Variants in CUL3 observed in about 807,000 individuals in gnomAD.
CUL3 encodes the protein cullin 3.
Under a neutral mutation model 89.1 loss-of-function variants are expected in CUL3, and 19 were observed. That is an observed-to-expected ratio of 0.21 (90% CI 0.15 to 0.31). The LOEUF (loss-of-function observed/expected upper bound fraction) is 0.31, where lower values mean the gene tolerates loss of function less well. Among genes scored for constraint, CUL3 ranks in the 10% least tolerant of loss-of-function variants. The pLI is 1.00. For synonymous variants in CUL3, 351 were observed against 308.4 expected (o/e 1.14, Z -1.45); for missense variants, 469 against 942.3 (o/e 0.50, Z 6.58).
At chr2:224,568,954 A>G (rs1303607728) in intron 1 of CUL3, among the ~76,000 whole-genome samples, 1 of 152,212 alleles carries the variant, frequency 6.6e-6, no homozygotes, top group African/African-American at 2.4e-5. Flanking sequence ...ACACAGAAGC[A>G]ACATTAACTG....
At chr2:224,580,880 GA>G (rs1447804597) in intron 1 of CUL3, among the ~76,000 whole-genome samples, 171 of 118,044 alleles carry the variant, frequency 1.4e-3, no homozygotes, top group Middle Eastern at 3.5e-3. Context: ...GAGTGCTTGA[GA>G]TTTTTTTTTT....
chr2:224,574,506 T>G (rs964239784), intron 1 of CUL3, among the ~76,000 whole-genome samples: 1 of 152,192 alleles, frequency 6.6e-6, no homozygotes, highest in Non-Finnish European at 1.5e-5. Flanking sequence ...GTTAACAGCA[T>G]TTCTTAAAAT....
At chr2:224,554,729 T>C (rs369365650) in intron 2 of CUL3, among the ~76,000 whole-genome samples, 43 of 152,298 alleles carry the variant, frequency 2.8e-4, no homozygotes, top group African/African-American at 9.1e-4. Context: ...TAAAAGTTAA[T>C]TGTGTTAATT....
At chr2:224,529,299 T>G (rs1199379414) in intron 3 of CUL3, among the ~76,000 whole-genome samples, 1 of 152,090 alleles carries the variant, frequency 6.6e-6, no homozygotes, top group Non-Finnish European at 1.5e-5. Flanking sequence ...TCTTATAAGC[T>G]AAACATGGAG....
intron 13 of CUL3, among the ~76,000 whole-genome samples, chr2:224,486,252 T>C (rs887717006): frequency 6.6e-6 from 1 of 152,020 alleles, no homozygotes; most frequent in Non-Finnish European, 1.5e-5. Flanking sequence ...CAAAACTGGA[T>C]GGAGAATGAG....
At chr2:224,475,846 C>T (rs536254111) in intron 15 of CUL3, among the ~76,000 whole-genome samples, 37 of 152,198 alleles carry the variant, frequency 2.4e-4, no homozygotes, top group Admixed American at 7.9e-4. Flanking sequence ...AACCTATATT[C>T]TATATGTACT....
chr2:224,478,132 GAATAC>G (rs1172555863), intron 15 of CUL3, 63 bp downstream of exon 15: 1 of 1,442,494 alleles, frequency 6.9e-7, no homozygotes, highest in East Asian at 2.3e-5. Flanking sequence ...AAAATTAGTT[GAATAC>G]AATAATTTTG....
chr2:224,522,287 T>C (rs1693296198), intron 3 of CUL3, among the ~76,000 whole-genome samples: 2 of 152,102 alleles, frequency 1.3e-5, no homozygotes, highest in Non-Finnish European at 2.9e-5. Flanking sequence ...AGAAAAGTAG[T>C]AAAAAGTTTC....
intron 2 of CUL3, among the ~76,000 whole-genome samples, chr2:224,555,319 A>G (rs190023002): frequency 1.8e-4 from 28 of 152,306 alleles, no homozygotes; most frequent in Admixed American, 1.4e-3. Flanking sequence ...ATCTTTGTCT[A>G]GACTTAAGTT....
intron 3 of CUL3, 136 bp from the exon 4 acceptor site, chr2:224,514,908 A>G (rs1409757405): frequency 3.3e-6 from 2 of 597,630 alleles, no homozygotes; most frequent in East Asian, 2.9e-5. Flanking sequence ...AATGATCTTA[A>G]GCAATGTGCA....
intron 1 of CUL3, among the ~76,000 whole-genome samples, chr2:224,573,109 A>G (rs780100605): frequency 1.3e-5 from 2 of 152,234 alleles, no homozygotes; most frequent in African/African-American, 2.4e-5. Context: ...GCGTACACCA[A>G]AAGTAGTAAA....
At chr2:224,574,047 G>C (rs1270388151) in intron 1 of CUL3, among the ~76,000 whole-genome samples, 1 of 152,176 alleles carries the variant, frequency 6.6e-6, no homozygotes, top group Non-Finnish European at 1.5e-5. Flanking sequence ...GCTCAGTTAA[G>C]AGCTGTTTTA....
chr2:224,475,779 A>G (rs1013799887), intron 15 of CUL3, among the ~76,000 whole-genome samples: 1 of 152,172 alleles, frequency 6.6e-6, no homozygotes, highest in African/African-American at 2.4e-5. Flanking sequence ...CTGCACTCTC[A>G]ACAGGACCTT....
At chr2:224,510,934 C>A (rs1559153874) in intron 6 of CUL3, among the ~76,000 whole-genome samples, 1 of 152,076 alleles carries the variant, frequency 6.6e-6, no homozygotes, top group East Asian at 1.9e-4. Context: ...ACAACTAAAT[C>A]CCAAAGGAAA....
In CUL3 at chr2:224,473,415, AC is replaced by A; in HGVS notation, c.*829del. The A allele has an allele frequency of 5.3e-6, 1 of 190,062 alleles. No homozygotes were observed. The highest frequency in any genetic ancestry group is 8.4e-5 in the East Asian group (1 of 11,892). The allele number at this position is 190,062 out of a possible 1,614,324, so 11.8% of individuals were successfully genotyped here. On this transcript the variant is annotated 3_prime_UTR_variant, in exon 16 of 16. Coordinates refer to ENST00000264414, the MANE Select transcript of CUL3 (RefSeq NM_003590.5). ...TACTTGAATTAGTGGGTATGTGTAT[AC>A]TAAATTCATTATTTTTGTCTACAAT...
At chr2:224,543,224 CT>C (rs1469651350) in intron 2 of CUL3, among the ~76,000 whole-genome samples, 2 of 152,102 alleles carry the variant, frequency 1.3e-5, no homozygotes, top group Admixed American at 6.5e-5. Flanking sequence ...TGAGGACTTC[CT>C]TGGTAAACAA....
At chr2:224,573,656 A>G (rs1695234992) in intron 1 of CUL3, among the ~76,000 whole-genome samples, 1 of 152,204 alleles carries the variant, frequency 6.6e-6, no homozygotes, top group Admixed American at 6.5e-5. Flanking sequence ...CTAATAATTT[A>G]AAAGGTAACC....
intron 10 of CUL3, among the ~76,000 whole-genome samples, chr2:224,501,639 T>G (rs1692392922): frequency 6.6e-6 from 1 of 152,200 alleles, no homozygotes; most frequent in Non-Finnish European, 1.5e-5. Context: ...AAATGATTAC[T>G]TAACTTTAAG....
In CUL3 at chr2:224,513,655, T is replaced by C; in HGVS notation, c.540-17A>G. On this transcript the variant is annotated splice_polypyrimidine_tract_variant and intron_variant, in intron 4 of 15. Coordinates refer to ENST00000264414, the MANE Select transcript of CUL3 (RefSeq NM_003590.5). ...ATTGCGCCTCTGTCGAAAAAAGTTA[T>C]TATCACTTGATAATTAAATTACATT... The C allele has an allele frequency of 6.8e-7, 1 of 1,475,494 alleles. No individual in the cohort carries two copies. Among genetic ancestry groups the C allele is most frequent in the Non-Finnish European group, 9.2e-7 (1 of 1,089,174 alleles). 91.4% of individuals were successfully genotyped at this position (1,475,494 alleles called of 1,614,324 possible). A position where few individuals can be genotyped will look rare whatever the true frequency, so the allele number is the denominator to read the frequency against.
Sources: gnomAD v4.1 joint callset for allele counts (sites outside exome capture counted in the v4.1 genomes callset) on GRCh38, gnomAD v4.1.1 for gene constraint, MANE v1.5 for transcripts, NCBI Gene and HGNC (gene_info 2026-07-23, HGNC 2026-07-21) for gene names.